Variants in ESR1 observed in about 807,000 individuals in gnomAD.
The protein encoded by ESR1 is estrogen receptor 1.
A neutral mutation model predicts 52.7 loss-of-function variants in ESR1; 12 were observed. That is an observed-to-expected ratio of 0.23 (90% CI 0.15 to 0.37). The LOEUF is 0.37. ESR1 is among the 10% of genes least tolerant of loss of function. ESR1 has a pLI of 1.00. For missense variants in ESR1, 584 were observed against 779.7 expected (o/e 0.75, Z 2.99); for synonymous variants, 305 against 316.8 (o/e 0.96, Z 0.39).
At chr6:152,082,124 C>T (rs940037077) in intron 6 of ESR1, among the ~76,000 whole-genome samples, 1 of 152,168 alleles carries the variant, frequency 6.6e-6, no homozygotes, top group Non-Finnish European at 1.5e-5. Flanking sequence ...AGGCCAGCAT[C>T]ATCCTGGTAC....
rs893042366 is a variant in ESR1, at chr6:152,070,693, T to C, written c.1369+9569T>C. Among the ~76,000 whole-genome samples, 6 of 138,876 alleles carry C rather than the reference T, an allele frequency of 4.3e-5. 1 individual carries two copies. 91.1% of individuals were successfully genotyped at this position (138,876 alleles called of 152,430 possible). On this transcript the variant is annotated intron_variant, in intron 6 of 7. Transcript: ENST00000206249. Reference sequence around the variant, plus strand: ...AGGATGGAAAAGCAAACTCCCTGCGTTGAGTTCCATCTTGCCCTGCATGGC... The same window carrying C: ...AGGATGGAAAAGCAAACTCCCTGCGCTGAGTTCCATCTTGCCCTGCATGGC...
chr6:151,803,815 G>A (rs1244520368), upstream of ESR1, among the ~76,000 whole-genome samples: 3 of 152,170 alleles, frequency 2.0e-5, no homozygotes, highest in African/African-American at 4.8e-5. Context: ...AGCCCTCGAA[G>A]AAGACAGTGA....
At chr6:151,710,573 A>AT (rs1041714669) in intron 2 of ESR1, among the ~76,000 whole-genome samples, 11 of 151,670 alleles carry the variant, frequency 7.3e-5, no homozygotes, top group African/African-American at 1.2e-4. Flanking sequence ...GGTAAATTGA[A>AT]TTTTTTTTTA....
At chr6:151,964,636 T>G (rs929497964) in intron 4 of ESR1, among the ~76,000 whole-genome samples, 3 of 108,036 alleles carry the variant, frequency 2.8e-5, no homozygotes, top group African/African-American at 1.1e-4. Flanking sequence ...TTCATTTCCC[T>G]ATTTTCTTTC....
chr6:152,058,497 G>T (rs1175948501), intron 5 of ESR1, among the ~76,000 whole-genome samples: 1 of 152,152 alleles, frequency 6.6e-6, no homozygotes. Flanking sequence ...ATACTTAAAG[G>T]TGATCCTTAC....
At chr6:151,683,126 C>T (rs760761683) in intron 1 of ESR1, among the ~76,000 whole-genome samples, 13 of 152,226 alleles carry the variant, frequency 8.5e-5, no homozygotes, top group Non-Finnish European at 1.9e-4. Context: ...GTACTGTCTC[C>T]GATGTCATTA....
chr6:151,666,700 CCT>C, intron 1 of ESR1, among the ~76,000 whole-genome samples: 3 of 56,570 alleles, frequency 5.3e-5, no homozygotes, highest in Admixed American at 1.4e-4. Flanking sequence ...CCATCCCCCT[CCT>C]CCTCCTCCTC....
At chr6:152,089,973 A>G (rs544739762) in intron 6 of ESR1, among the ~76,000 whole-genome samples, 1 of 152,334 alleles carries the variant, frequency 6.6e-6, no homozygotes, top group East Asian at 1.9e-4. Context: ...ACTGCCTTGC[A>G]CATTGTAGGA....
intron 6 of ESR1, among the ~76,000 whole-genome samples, chr6:152,112,366 AT>A (rs1324874630): frequency 1.3e-5 from 2 of 152,104 alleles, no homozygotes; most frequent in African/African-American, 4.8e-5. Context: ...CCTGTATCTC[AT>A]TTCAAGTCAA....
At chr6:151,811,759 C>T (rs1023854532) in intron 1 of ESR1, among the ~76,000 whole-genome samples, 12 of 152,258 alleles carry the variant, frequency 7.9e-5, no homozygotes, top group East Asian at 3.9e-4. Flanking sequence ...TTACTGATTA[C>T]GTGACACTTT....
downstream of ESR1, among the ~76,000 whole-genome samples, chr6:152,105,688 A>T (rs1195774317): frequency 6.6e-6 from 1 of 150,804 alleles, no homozygotes; most frequent in African/African-American, 2.4e-5. Context: ...AGCCTCCCAA[A>T]TTGCTCAGAT....
At chr6:151,966,785 G>A (rs1233007704) in intron 4 of ESR1, among the ~76,000 whole-genome samples, 1 of 152,190 alleles carries the variant, frequency 6.6e-6, no homozygotes, top group Non-Finnish European at 1.5e-5. Context: ...ATCCACAGCT[G>A]ATTAGGAGTA....
intron 2 of ESR1, among the ~76,000 whole-genome samples, chr6:151,742,229 A>G (rs1247064727): frequency 6.6e-6 from 1 of 152,150 alleles, no homozygotes; most frequent in African/African-American, 2.4e-5. Context: ...GGGGGTGCAG[A>G]TATCTTTACG....
At chr6:151,868,464 C>G (rs1790369427) in intron 2 of ESR1, among the ~76,000 whole-genome samples, 1 of 152,098 alleles carries the variant, frequency 6.6e-6, no homozygotes, top group South Asian at 2.1e-4. Flanking sequence ...CCCTGTTCCT[C>G]CTTCCCACTT....
At chr6:151,879,455 GGATAA>G (rs540230558) in intron 2 of ESR1, among the ~76,000 whole-genome samples, 393 of 152,218 alleles carry the variant, frequency 2.6e-3, no homozygotes, top group Non-Finnish European at 4.0e-3. Context: ...TGGGAACAAG[GGATAA>G]GATAGAAGAT....
intron 4 of ESR1, among the ~76,000 whole-genome samples, chr6:151,954,523 T>A (rs117780471): frequency 6.6e-6 from 1 of 152,220 alleles, no homozygotes; most frequent in African/African-American, 2.4e-5. Flanking sequence ...GTATTCATTA[T>A]GTGACTTTCA....
intron 3 of ESR1, among the ~76,000 whole-genome samples, chr6:151,884,818 T>G (rs1309004821): frequency 6.6e-6 from 1 of 152,206 alleles, no homozygotes; most frequent in Non-Finnish European, 1.5e-5. Flanking sequence ...TCTTGAACTT[T>G]AGGTTGTAGA....
chr6:151,701,339 A>G (rs528194697), intron 1 of ESR1, among the ~76,000 whole-genome samples: 1 of 151,938 alleles, frequency 6.6e-6, no homozygotes, highest in Admixed American at 6.6e-5. Context: ...CAGCCCAGCC[A>G]ACATGGTGAA....
At chr6:151,731,809 G>C (rs1381874634) in intron 2 of ESR1, among the ~76,000 whole-genome samples, 1 of 152,162 alleles carries the variant, frequency 6.6e-6, no homozygotes, top group Non-Finnish European at 1.5e-5. Context: ...CATTTTGCAA[G>C]AATAAGATCG....
Sources: gnomAD v4.1 joint callset for allele counts (sites outside exome capture counted in the v4.1 genomes callset) on GRCh38, gnomAD v4.1.1 for gene constraint, MANE v1.5 for transcripts, NCBI Gene and HGNC (gene_info 2026-07-23, HGNC 2026-07-21) for gene names.